Variants in DOCK4 observed in about 807,000 individuals in gnomAD.
DOCK4 encodes dedicator of cytokinesis protein 4.
In DOCK4, 97 loss-of-function variants were observed where a neutral mutation model predicts 268.1. The ratio of observed to expected loss-of-function variants is 0.36; its 90% CI spans 0.31 to 0.43. The LOEUF (loss-of-function observed/expected upper bound fraction) is 0.43, where lower values mean the gene tolerates loss of function less well. Among genes scored for constraint, DOCK4 ranks in the 20% least tolerant of loss-of-function variants. The pLI is 1.00. For missense variants in DOCK4, 2,145 were observed against 2,455.7 expected (o/e 0.87, Z 2.67); for synonymous variants, 954 against 887.2 (o/e 1.08, Z -1.34).
intron 1 of DOCK4, among the ~76,000 whole-genome samples, chr7:112,090,518 G>A (rs1015789329): frequency 5.9e-5 from 9 of 152,138 alleles, no homozygotes; most frequent in Admixed American, 3.9e-4. Context: ...GCATATGTAA[G>A]TAACCATATT....
chr7:111,769,453 A>T (rs1022444985), intron 37 of DOCK4, 76 bp downstream of exon 37: 2 of 1,560,184 alleles, frequency 1.3e-6, no homozygotes, highest in African/African-American at 2.7e-5. Context: ...GGGCATTCAT[A>T]AACTAGAAAT....
At chr7:112,085,762 G>A (rs1451935782) in intron 1 of DOCK4, among the ~76,000 whole-genome samples, 3 of 152,080 alleles carry the variant, frequency 2.0e-5, no homozygotes, top group Admixed American at 6.5e-5. Context: ...AAATGGGATC[G>A]GGCTGACAGC....
rs191265051 is a variant in DOCK4, at chr7:112,110,036, G to A, written c.37+96066C>T. Among the ~76,000 whole-genome samples, 4 of 152,190 alleles carry A rather than the reference G, an allele frequency of 2.6e-5. No individual in the cohort carries two copies. In the East Asian group the frequency reaches 7.7e-4, roughly 29 times the overall value. On this transcript the variant is annotated intron_variant, in intron 1 of 52. Coordinates refer to ENST00000428084, the MANE Select transcript of DOCK4 (RefSeq NM_001363540.2). ...TGGGATTACAGGCGTGAGCCACCGC[G>A]CCCGGCCGTAAAATCATCTTTGAAC...
At chr7:111,775,293 T>C (rs1336186867) in intron 36 of DOCK4, among the ~76,000 whole-genome samples, 6 of 152,148 alleles carry the variant, frequency 3.9e-5, no homozygotes, top group South Asian at 2.1e-4. Context: ...TCTTTTAAAG[T>C]TGGGGAGGAG....
chr7:111,960,438 T>G (rs980396255), intron 8 of DOCK4, among the ~76,000 whole-genome samples: 3 of 150,218 alleles, frequency 2.0e-5, no homozygotes, highest in East Asian at 1.9e-4. Flanking sequence ...AAATAAAACA[T>G]GTTGTTTTGA....
intron 16 of DOCK4, among the ~76,000 whole-genome samples, chr7:111,893,172 C>G (rs977055084): frequency 6.6e-6 from 1 of 152,188 alleles, no homozygotes; most frequent in African/African-American, 2.4e-5. Context: ...CGACAGGCAC[C>G]TGGACAGGAC....
Position 111,728,074 on chromosome 7 carries a change from G to A in DOCK4, c.*200C>T. On this transcript the variant is annotated 3_prime_UTR_variant, in exon 53 of 53. Transcript: ENST00000428084. ...ATGAGAAACGTTTTAATGAAATTCA[G>A]CCATACTTCATTTAACATCTGGCGT... The A allele has an allele frequency of 7.1e-6, 3 of 420,276 alleles. No homozygotes were observed. The highest frequency in any genetic ancestry group is 6.1e-4 in the Middle Eastern group (1 of 1,636). 26.0% of individuals were successfully genotyped at this position (420,276 alleles called of 1,614,324 possible).
At chr7:111,742,686 T>A (rs1272237012) in intron 44 of DOCK4, among the ~76,000 whole-genome samples, 1 of 152,224 alleles carries the variant, frequency 6.6e-6, no homozygotes, top group Non-Finnish European at 1.5e-5. Flanking sequence ...CCATGCTTCT[T>A]GTTTTTGTTT....
chr7:112,078,608 C>G (rs991940797), intron 1 of DOCK4, among the ~76,000 whole-genome samples: 1 of 152,094 alleles, frequency 6.6e-6, no homozygotes, highest in African/African-American at 2.4e-5. Flanking sequence ...TGTAACACAG[C>G]TCCAACCTTC....
At chr7:112,063,379 C>T (rs1806617909) in intron 1 of DOCK4, among the ~76,000 whole-genome samples, 1 of 152,178 alleles carries the variant, frequency 6.6e-6, no homozygotes, top group African/African-American at 2.4e-5. Flanking sequence ...ACTGAAAATA[C>T]TGTAAGCCCA....
intron 1 of DOCK4, among the ~76,000 whole-genome samples, chr7:112,134,992 T>G (rs561297424): frequency 6.6e-6 from 1 of 150,712 alleles, no homozygotes; most frequent in African/African-American, 2.5e-5. Flanking sequence ...AAAACATATA[T>G]GTGTGTGTGT....
intron 13 of DOCK4, among the ~76,000 whole-genome samples, chr7:111,905,958 G>A (rs1437665341): frequency 2.6e-5 from 4 of 152,122 alleles, no homozygotes; most frequent in Non-Finnish European, 5.9e-5. Context: ...AATGCTAGAA[G>A]TAGAACATCT....
intron 13 of DOCK4, 95 bp downstream of exon 13, chr7:111,915,684 A>G: frequency 7.4e-7 from 1 of 1,345,126 alleles, no homozygotes; most frequent in Non-Finnish European, 1.0e-6. Flanking sequence ...GCCCATGTGA[A>G]TGCTTCAAAG....
chr7:112,002,360 T>C (rs1224968613), intron 2 of DOCK4, among the ~76,000 whole-genome samples: 3 of 152,218 alleles, frequency 2.0e-5, no homozygotes, highest in Non-Finnish European at 4.4e-5. Flanking sequence ...CCAATTATAC[T>C]ATACAGAAAA....
intron 26 of DOCK4, among the ~76,000 whole-genome samples, chr7:111,826,453 T>G (rs1043362057): frequency 5.3e-5 from 8 of 152,152 alleles, no homozygotes; most frequent in Non-Finnish European, 7.3e-5. Flanking sequence ...ATAAAAATTG[T>G]TTTGTGCTTA....
chr7:112,155,134 C>A (rs1378140092), intron 1 of DOCK4, among the ~76,000 whole-genome samples: 1 of 152,146 alleles, frequency 6.6e-6, no homozygotes, highest in Non-Finnish European at 1.5e-5. Flanking sequence ...TTTTAGAGAT[C>A]AGCAGCATAG....
intron 1 of DOCK4, among the ~76,000 whole-genome samples, chr7:112,034,686 G>A (rs1005915395): frequency 6.6e-6 from 1 of 152,174 alleles, no homozygotes; most frequent in African/African-American, 2.4e-5. Context: ...GATTGCTTGA[G>A]GCCAGGAGTT....
chr7:111,769,516 C>A lies in DOCK4; in HGVS notation c.3828+13G>T. The stretch of plus-strand genomic sequence containing the variant: ...ACCCCAGGAGGGACCCCGGGCGGGG[C>A]AGGGCCACTTACTTTGCCTCTGTCA... On this transcript the variant is annotated intron_variant, in intron 37 of 52. Coordinates refer to ENST00000428084, the MANE Select transcript of DOCK4 (RefSeq NM_001363540.2). 1 of 1,613,114 alleles carries A rather than the reference C, an allele frequency of 6.2e-7. No homozygotes were observed. Among genetic ancestry groups the A allele is most frequent in the Admixed American group, 1.7e-5 (1 of 60,016 alleles).
intron 12 of DOCK4, among the ~76,000 whole-genome samples, chr7:111,932,461 A>G (rs1337907633): frequency 6.6e-6 from 1 of 152,178 alleles, no homozygotes; most frequent in Non-Finnish European, 1.5e-5. Flanking sequence ...TAATAGGCAG[A>G]AAGAAAGGAG....
Sources: allele counts gnomAD v4.1 joint callset (sites outside exome capture counted in the v4.1 genomes callset), GRCh38; gene constraint gnomAD v4.1.1; transcripts MANE v1.5; gene names NCBI Gene and HGNC (gene_info 2026-07-23, HGNC 2026-07-21).